Variants in IQGAP1 observed in about 807,000 individuals in gnomAD.
IQGAP1 encodes IQ motif containing GTPase activating protein 1.
A neutral mutation model predicts 215.6 loss-of-function variants in IQGAP1; 66 were observed. That is an observed-to-expected ratio of 0.31 (90% CI 0.25 to 0.38). The LOEUF is 0.38. Among genes scored for constraint, IQGAP1 ranks in the 10% least tolerant of loss-of-function variants. IQGAP1 has a pLI of 1.00. For missense variants in IQGAP1, 1,712 were observed against 1,997.1 expected (o/e 0.86, Z 2.72); for synonymous variants, 772 against 728.7 (o/e 1.06, Z -0.96).
At chr15:90,425,249 G>A (rs1163339662) in intron 2 of IQGAP1, among the ~76,000 whole-genome samples, 4 of 152,110 alleles carry the variant, frequency 2.6e-5, no homozygotes, top group Admixed American at 1.3e-4. Flanking sequence ...GGCGGAGGTT[G>A]CAGTGAGCTG....
intron 12 of IQGAP1, 49 bp from the exon 13 acceptor site, chr15:90,453,083 T>G (rs145652853): frequency 6.4e-7 from 1 of 1,569,332 alleles, no homozygotes; most frequent in African/African-American, 1.4e-5. Context: ...CCCTGGGTCT[T>G]GGAGAATGTC....
intron 2 of IQGAP1, among the ~76,000 whole-genome samples, chr15:90,413,292 G>A (rs1465185209): frequency 1.3e-5 from 2 of 152,098 alleles, no homozygotes; most frequent in East Asian, 3.8e-4. Context: ...TGCTGGGTGA[G>A]GTGTCAGAGC....
At chr15:90,430,554 T>C (rs565922984) in intron 4 of IQGAP1, among the ~76,000 whole-genome samples, 20 of 152,230 alleles carry the variant, frequency 1.3e-4, no homozygotes, top group Non-Finnish European at 2.5e-4. Flanking sequence ...GTAAAGGGCC[T>C]TTGATGTATT....
At chr15:90,489,683 A>G (rs537491491) in intron 33 of IQGAP1, among the ~76,000 whole-genome samples, 88 of 152,358 alleles carry the variant, frequency 5.8e-4, no homozygotes, top group African/African-American at 1.9e-3. Context: ...ATTGTTTTCA[A>G]TGAAGTCTCA....
intron 8 of IQGAP1, 65 bp from the exon 9 acceptor site, chr15:90,443,329 G>T: frequency 1.1e-6 from 1 of 927,398 alleles, no homozygotes; most frequent in Non-Finnish European, 1.8e-6. Flanking sequence ...AGGAGCACAC[G>T]TGTATTTATG....
chr15:90,486,744 T>A (rs577733943), intron 31 of IQGAP1: 5 of 543,674 alleles, frequency 9.2e-6, no homozygotes, highest in East Asian at 6.4e-5. Context: ...TGAAATGATT[T>A]CTCAAACATT....
At chr15:90,484,395 T>C in intron 30 of IQGAP1, 43 bp downstream of exon 30, 4 of 1,534,592 alleles carry the variant, frequency 2.6e-6, no homozygotes, top group Non-Finnish European at 3.6e-6. Flanking sequence ...TGTCCTTAAT[T>C]ATTATCCCTG....
intron 2 of IQGAP1, among the ~76,000 whole-genome samples, chr15:90,395,702 C>G (rs1964709323): frequency 5.3e-5 from 8 of 152,132 alleles, no homozygotes; most frequent in Admixed American, 3.3e-4. Context: ...GAGGTATGTT[C>G]AGTGCTTAGG....
At chr15:90,396,960 C>T (rs1261443738) in intron 2 of IQGAP1, among the ~76,000 whole-genome samples, 2 of 151,948 alleles carry the variant, frequency 1.3e-5, no homozygotes, top group Admixed American at 1.3e-4. Flanking sequence ...TCAAACGATT[C>T]TCCTTCCTCA....
intron 2 of IQGAP1, among the ~76,000 whole-genome samples, chr15:90,398,241 A>G (rs1473475310): frequency 6.6e-6 from 1 of 152,126 alleles, no homozygotes; most frequent in Non-Finnish European, 1.5e-5. Flanking sequence ...TGTGAAGATG[A>G]CAGGAATTTT....
In IQGAP1 at chr15:90,388,353, A is replaced by G. The variant is rs745977923; in HGVS notation, c.12A>G (p.Ala4=). 2 of 1,595,676 alleles carry G rather than the reference A, an allele frequency of 1.3e-6. No individual in the cohort carries two copies. Among genetic ancestry groups the G allele is most frequent in the East Asian group, 4.7e-5 (2 of 42,644 alleles). ...CGGGCTCGTCCGCCATGTCCGCCGC[A>G]GACGAGGTTGACGGGCTGGGCGTGG... is the stretch of plus-strand genomic sequence containing the variant. MSA[A]DEVDGLGVAR... is the part of the protein sequence containing the mutation. The change falls in exon 1 of 38, where the codon GCA becomes GCG. Residue 4 remains alanine, a synonymous_variant. Transcript: ENST00000268182.
chr15:90,466,602 T>TC (rs1389456236), intron 17 of IQGAP1, among the ~76,000 whole-genome samples, 166 bp downstream of exon 17: 64 of 143,398 alleles, frequency 4.5e-4, no homozygotes, highest in African/African-American at 7.3e-4. Flanking sequence ...GAAAATATCC[T>TC]TCCCCCCCCC....
intron 26 of IQGAP1, among the ~76,000 whole-genome samples, chr15:90,478,430 G>A (rs1345280336): frequency 6.6e-6 from 1 of 152,220 alleles, no homozygotes; most frequent in Non-Finnish European, 1.5e-5. Flanking sequence ...GCAATAATGA[G>A]TGAAACAGAC....
At chr15:90,440,382 A>T (rs1596267022) in intron 6 of IQGAP1, 120 bp from the exon 7 acceptor site, 1 of 680,550 alleles carries the variant, frequency 1.5e-6, no homozygotes, top group East Asian at 2.8e-5. Context: ...TTATATCCTT[A>T]TAAAACCCTA....
In IQGAP1 at chr15:90,501,353, G is replaced by A. The variant is rs1410464739; in HGVS notation, c.*1245G>A. The A allele has an allele frequency of 2.0e-5, 3 of 147,692 alleles. No homozygotes were observed. Among genetic ancestry groups the A allele is most frequent in the African/African-American group, 7.5e-5 (3 of 39,796 alleles). 9.1% of individuals were successfully genotyped at this position (147,692 alleles called of 1,614,324 possible). Reference sequence around the variant, plus strand: ...AAATCAAGTCTAAACATTGCATTTAGAAAGCTTTTGTTCTTGGATAAAAAG... The same window carrying A: ...AAATCAAGTCTAAACATTGCATTTAAAAAGCTTTTGTTCTTGGATAAAAAG... On this transcript the variant is annotated 3_prime_UTR_variant, in exon 38 of 38. Transcript: ENST00000268182.
At chr15:90,497,747 T>C (rs1966291180) in intron 37 of IQGAP1, among the ~76,000 whole-genome samples, 1 of 152,222 alleles carries the variant, frequency 6.6e-6, no homozygotes, top group Non-Finnish European at 1.5e-5. Context: ...GTGTAAAGTT[T>C]ATGTTTGTAA....
chr15:90,497,996 G>T (rs1423351469), intron 37 of IQGAP1, among the ~76,000 whole-genome samples: 3 of 152,052 alleles, frequency 2.0e-5, no homozygotes, highest in Non-Finnish European at 1.5e-5. Flanking sequence ...GCCCGGGCAG[G>T]TGCCTTCCTG....
In IQGAP1 at chr15:90,484,299, C is replaced by G. The variant is rs375769574; in HGVS notation, c.3868C>G (p.Leu1290Val). ...GGATGAGTACTCTGATTTAGTAACC[C>G]TCACCAAACCAGTAATCTACATTTC... ...NVDEYSDLVTLTKPVIYISIG... is the reference protein window; with the variant it reads ...NVDEYSDLVTVTKPVIYISIG... Residue 1290 changes from leucine to valine, a missense_variant, in exon 30 of 38, where the codon CTC (leucine) becomes GTC (valine). Leu to Val is a conservative substitution (Grantham distance 32). Coordinates refer to ENST00000268182, the MANE Select transcript of IQGAP1 (RefSeq NM_003870.4). The G allele has an allele frequency of 6.2e-7, 1 of 1,612,486 alleles. No individual in the cohort carries two copies. Among genetic ancestry groups the G allele is most frequent in the Non-Finnish European group, 8.5e-7 (1 of 1,178,594 alleles).
chr15:90,462,506 G>A (rs59814752), intron 15 of IQGAP1, among the ~76,000 whole-genome samples: 27,355 of 152,124 alleles, frequency 0.18, 2,563 homozygotes, highest in South Asian at 0.22. Flanking sequence ...GTGTTTATGT[G>A]TGTATGTGGT....
Sources: gnomAD v4.1 joint callset for allele counts (sites outside exome capture counted in the v4.1 genomes callset) on GRCh38, gnomAD v4.1.1 for gene constraint, MANE v1.5 for transcripts, NCBI Gene and HGNC (gene_info 2026-07-23, HGNC 2026-07-21) for gene names.